The following FOXP2 variants were observed in gnomAD, a reference collection of about 807,000 sequenced individuals.
The protein encoded by FOXP2 is forkhead box protein P2.
Under a neutral mutation model 115.8 loss-of-function variants are expected in FOXP2, and 12 were observed. The observed-to-expected ratio is 0.10, with a 90% CI of 0.07 to 0.17. The LOEUF is 0.17. Ranked by LOEUF, FOXP2 falls within the 10% of genes least tolerant of loss-of-function variation. FOXP2 has a pLI of 1.00. For synonymous variants in FOXP2, 328 were observed against 297.7 expected (o/e 1.10, Z -1.05); for missense variants, 629 against 843.5 (o/e 0.75, Z 3.15).
At chr7:114,136,800 C>G (rs1792052702) in intron 1 of FOXP2, among the ~76,000 whole-genome samples, 1 of 151,816 alleles carries the variant, frequency 6.6e-6, no homozygotes, top group South Asian at 2.1e-4. Flanking sequence ...ACAGGAGAAG[C>G]TAGAGATTTT....
intron 2 of FOXP2, among the ~76,000 whole-genome samples, chr7:114,494,791 C>T (rs925590300): frequency 3.3e-5 from 5 of 151,918 alleles, no homozygotes; most frequent in Non-Finnish European, 4.4e-5. Context: ...ATGAAAAAAA[C>T]GCGGTAAAAT....
At chr7:114,155,317 G>A (rs1792634021) in intron 1 of FOXP2, among the ~76,000 whole-genome samples, 1 of 152,058 alleles carries the variant, frequency 6.6e-6, no homozygotes, top group South Asian at 2.1e-4. Flanking sequence ...AGGCGCAGCT[G>A]TTCAGCATTA....
intron 1 of FOXP2, among the ~76,000 whole-genome samples, chr7:114,233,489 A>C (rs1794936168): frequency 2.6e-5 from 4 of 152,236 alleles, no homozygotes; most frequent in Admixed American, 2.6e-4. Context: ...GATCAAGAAC[A>C]GTGGCATTCA....
intron 8 of FOXP2, among the ~76,000 whole-genome samples, chr7:114,646,933 A>T (rs1805942719): frequency 6.6e-6 from 1 of 151,976 alleles, no homozygotes; most frequent in South Asian, 2.1e-4. Context: ...GTAATAATGG[A>T]GAAAATTGAG....
At chr7:114,218,134 A>G (rs1172321758) in intron 1 of FOXP2, among the ~76,000 whole-genome samples, 1 of 152,164 alleles carries the variant, frequency 6.6e-6, no homozygotes, top group Non-Finnish European at 1.5e-5. Flanking sequence ...AAGTGCTAAC[A>G]CTCATAAACA....
chr7:114,557,774 GA>G (rs1162821550), intron 3 of FOXP2, among the ~76,000 whole-genome samples: 1 of 150,752 alleles, frequency 6.6e-6, no homozygotes, highest in East Asian at 1.9e-4. Flanking sequence ...CAAGAATTTT[GA>G]CACTGAACTG....
intron 1 of FOXP2, among the ~76,000 whole-genome samples, chr7:114,164,835 A>G (rs917449883): frequency 3.9e-5 from 6 of 152,178 alleles, no homozygotes; most frequent in Non-Finnish European, 7.3e-5. Context: ...GAATTGGAAA[A>G]TAATGCCGTT....
At chr7:114,575,756 C>CT (rs1175671308) in intron 3 of FOXP2, among the ~76,000 whole-genome samples, 4 of 151,872 alleles carry the variant, frequency 2.6e-5, no homozygotes, top group Non-Finnish European at 2.9e-5. Context: ...ATTGCCTCTA[C>CT]TTTTTTCTTC....
intron 11 of FOXP2, among the ~76,000 whole-genome samples, chr7:114,658,691 TAA>T (rs1439196021): frequency 1.3e-5 from 2 of 152,204 alleles, no homozygotes; most frequent in African/African-American, 4.8e-5. Context: ...AGGTGCTACC[TAA>T]ATGAAATCCT....
intron 8 of FOXP2, among the ~76,000 whole-genome samples, chr7:114,650,416 A>G (rs966933703): frequency 9.1e-5 from 12 of 132,528 alleles, no homozygotes; most frequent in Non-Finnish European, 2.0e-4. Context: ...GTGTTCCCCA[A>G]GAGTTCATGG....
chr7:114,462,302 A>AC (rs1795603543), intron 2 of FOXP2, among the ~76,000 whole-genome samples: 1 of 145,138 alleles, frequency 6.9e-6, no homozygotes, highest in Admixed American at 6.8e-5. Context: ...AAAAAAAAAA[A>AC]GGTAACAAAC....
chr7:114,575,741 G>A lies in FOXP2; in HGVS notation c.258+41035G>A, dbSNP rs531692784. ...AAAGTTAGGAAATACATGCAGCAAT[G>A]TTGAATTGCCTCTACTTTTTTCTTC... On this transcript the variant is annotated intron_variant, in intron 3 of 16. Transcript: ENST00000350908. Among the ~76,000 whole-genome samples, 10 of 152,026 alleles carry A rather than the reference G, an allele frequency of 6.6e-5. No individual in the cohort carries two copies. In the South Asian group the frequency reaches 2.1e-3, roughly 31 times the overall value.
intron 1 of FOXP2, among the ~76,000 whole-genome samples, chr7:114,149,295 T>A (rs1321665766): frequency 6.6e-6 from 1 of 152,014 alleles, no homozygotes; most frequent in African/African-American, 2.4e-5. Flanking sequence ...TGAACAGTGG[T>A]CTTGACTTCT....
chr7:114,090,942 A>G (rs766159711), intron 1 of FOXP2, among the ~76,000 whole-genome samples: 7 of 151,722 alleles, frequency 4.6e-5, no homozygotes, highest in Non-Finnish European at 7.4e-5. Context: ...AGCTAAGCAT[A>G]GTTAGAAGGG....
At chr7:114,388,153 A>C (rs1007526182) in intron 2 of FOXP2, among the ~76,000 whole-genome samples, 1 of 152,128 alleles carries the variant, frequency 6.6e-6, no homozygotes, top group Non-Finnish European at 1.5e-5. Context: ...TATTTATTTC[A>C]CTTTAACTTC....
rs138898050 is a variant in FOXP2 at position 114,096,772 on chromosome 7, A to G, written c.-247+8934A>G. Among the ~76,000 whole-genome samples the G allele has an allele frequency of 3.7e-3, 559 of 152,346 alleles. 4 individuals carry two copies. The highest frequency in any genetic ancestry group is 0.021 in the South Asian group (101 of 4,830). Reference sequence around the variant, plus strand: ...GAGCAAAGTTTAAGTGCAGTTGCACAGTACTCTAGAATATGGTAATAAAAT... The same window carrying G: ...GAGCAAAGTTTAAGTGCAGTTGCACGGTACTCTAGAATATGGTAATAAAAT... On this transcript the variant is annotated intron_variant, in intron 1 of 19. Transcript: ENST00000635638.
At chr7:114,399,408 T>G (rs1792822998) in intron 2 of FOXP2, among the ~76,000 whole-genome samples, 1 of 152,060 alleles carries the variant, frequency 6.6e-6, no homozygotes. Context: ...GCACCCAGCC[T>G]TCACTTATTT....
intron 2 of FOXP2, among the ~76,000 whole-genome samples, chr7:114,345,627 A>G (rs1015978950): frequency 6.6e-6 from 1 of 151,662 alleles, no homozygotes; most frequent in Non-Finnish European, 1.5e-5. Flanking sequence ...ATCTCATTGT[A>G]CTGCCTGCAT....
intron 2 of FOXP2, among the ~76,000 whole-genome samples, chr7:114,326,989 C>A (rs1208390466): frequency 6.6e-6 from 1 of 152,148 alleles, no homozygotes; most frequent in Non-Finnish European, 1.5e-5. Flanking sequence ...CTGTCTCCTG[C>A]ACCTCACACC....
Sources: gnomAD v4.1 joint callset for allele counts (sites outside exome capture counted in the v4.1 genomes callset) on GRCh38, gnomAD v4.1.1 for gene constraint, MANE v1.5 for transcripts, NCBI Gene and HGNC (gene_info 2026-07-23, HGNC 2026-07-21) for gene names.